APOL2: variants seen among roughly 807,000 people sequenced by gnomAD.
APOL2 encodes apolipoprotein L, 2.
A neutral mutation model predicts 7.1 loss-of-function variants in APOL2; 8 were observed. The ratio of observed to expected loss-of-function variants is 1.12; its 90% CI spans 0.66 to 2.03. The LOEUF (loss-of-function observed/expected upper bound fraction) is 2.03. APOL2 is among the 30% of genes most tolerant of loss of function. The probability of loss-of-function intolerance (pLI) is 0.00; values close to 1 mark genes in which losing one functional copy is unlikely to be tolerated. For missense variants in APOL2, 471 were observed against 415.1 expected, an observed-to-expected ratio of 1.13 and a Z score of -1.17; for synonymous variants, 177 against 159.9, an observed-to-expected ratio of 1.11 and a Z score of -0.81.
intron 1 of APOL2, 54 bp downstream of exon 1, chr22:36,239,387 A>G: frequency 4.8e-6 from 7 of 1,462,030 alleles, no homozygotes; most frequent in Non-Finnish European, 6.5e-6. Context: ...CTTCCCTTAT[A>G]GAGCTATTGC....
intron 1 of APOL2, chr22:36,236,910 G>A: frequency 7.7e-7 from 1 of 1,303,436 alleles, no homozygotes; most frequent in Non-Finnish European, 9.7e-7. Flanking sequence ...TGACGGGAGG[G>A]GGTCTTCCCT....
intron 4 of APOL2, among the ~76,000 whole-genome samples, chr22:36,230,714 GTT>G (rs2015191807): frequency 6.6e-6 from 1 of 152,092 alleles, no homozygotes. Flanking sequence ...ACAGAAGACA[GTT>G]CCAAGTCTCC....
chr22:36,233,073 G>C, intron 3 of APOL2, 80 bp downstream of exon 3: 2 of 1,418,482 alleles, frequency 1.4e-6, no homozygotes, highest in Non-Finnish European at 1.0e-6. Flanking sequence ...GGTTCTTCTG[G>C]GGCTCACTCA....
At position 36,227,264 on chromosome 22, in the gene APOL2, C is replaced by T. The variant is rs1438221516; in HGVS notation, c.*140G>A. 2.8e-6 allele frequency: 3 copies of T among 1,072,814 alleles called. No homozygotes were observed. Among genetic ancestry groups the T allele is most frequent in the Non-Finnish European group, 2.5e-6 (2 of 784,742 alleles). 66.5% of individuals were successfully genotyped at this position (1,072,814 alleles called of 1,614,324 possible). A position where few individuals can be genotyped will look rare whatever the true frequency, so the allele number is the denominator to read the frequency against. ...CCGGGAGGCGGAGTTTGCAGTGAGC[C>T]GAGATTGAGCCACTGCACTCCATCC... is the stretch of plus-strand genomic sequence containing the variant. On this transcript the variant is annotated 3_prime_UTR_variant, in exon 5 of 5. Coordinates refer to ENST00000358502, the MANE Select transcript of APOL2 (RefSeq NM_030882.4).
chr22:36,229,274 C>T (rs531420521), intron 4 of APOL2, among the ~76,000 whole-genome samples: 1 of 152,334 alleles, frequency 6.6e-6, no homozygotes, highest in African/African-American at 2.4e-5. Flanking sequence ...CCTGTCAGTC[C>T]TGTTCCATCT....
chr22:36,233,266 G>A, intron 2 of APOL2, 25 bp from the exon 3 acceptor site: 1 of 1,613,032 alleles, frequency 6.2e-7, no homozygotes, highest in South Asian at 1.1e-5. Flanking sequence ...AACAAATTGT[G>A]GGATCGAAGG....
Position 36,228,031 on chromosome 22 carries a change from G to A in APOL2, c.387C>T (p.Ile129=), listed in dbSNP as rs774962845. 5 of 1,614,112 alleles carry A rather than the reference G, an allele frequency of 3.1e-6. No individual in the cohort carries two copies. The African/African-American group carries it at 4.0e-5, about 13-fold the overall frequency. The change falls in exon 5 of 5, where the codon ATC becomes ATT. Residue 129 remains isoleucine, a synonymous_variant. Coordinates refer to ENST00000358502, the MANE Select transcript of APOL2 (RefSeq NM_030882.4). ...CCAGACCCAGGCCGAGGAGGGTCAG[G>A]ATGCCAGAGGTAGTGCCAACAGAGT... ...VSNSVGTTSG[I]LTLLGLGLAP...
chr22:36,233,544 T>C, intron 1 of APOL2, 89 bp from the exon 2 acceptor site: 1 of 1,192,090 alleles, frequency 8.4e-7, no homozygotes, highest in Non-Finnish European at 1.2e-6. Flanking sequence ...GGAATAGAGA[T>C]GGGAGGGAAC....
At chr22:36,228,406 C>A (rs527327470) in intron 4 of APOL2, 126 bp from the exon 5 acceptor site, 6 of 1,280,368 alleles carry the variant, frequency 4.7e-6, no homozygotes, top group Non-Finnish European at 6.4e-6. Flanking sequence ...ACAAATTTTA[C>A]AAATGGAATT....
At chr22:36,237,264 A>C (rs2015439128) in intron 1 of APOL2, 13 of 1,358,900 alleles carry the variant, frequency 9.6e-6, no homozygotes, top group Non-Finnish European at 1.2e-5. Flanking sequence ...CTGGAAGAGG[A>C]GCCCTCCCTC....
At chr22:36,233,480 A>G (rs762159429) in intron 1 of APOL2, 25 bp from the exon 2 acceptor site, 2 of 1,545,406 alleles carry the variant, frequency 1.3e-6, no homozygotes, top group South Asian at 1.2e-5. Context: ...GAAGAAGATA[A>G]TCAGAGGAGG....
At chr22:36,239,039 G>C (rs778248557) in intron 1 of APOL2, 1 of 907,698 alleles carries the variant, frequency 1.1e-6, no homozygotes, top group Non-Finnish European at 1.4e-6. Context: ...GGTGTGGCCC[G>C]GCCACAAGGA....
intron 3 of APOL2, among the ~76,000 whole-genome samples, 173 bp downstream of exon 3, chr22:36,232,980 G>T (rs1322100765): frequency 6.6e-6 from 1 of 152,114 alleles, no homozygotes. Flanking sequence ...GGATGCAGAT[G>T]ACCCCCAGAC....
rs555063247 is a variant in APOL2, at chr22:36,233,467, T to A, written c.-133-12A>T. 6.5e-7 allele frequency: 1 copy of A among 1,549,070 alleles called. No individual in the cohort carries two copies. Among genetic ancestry groups the A allele is most frequent in the East Asian group, 2.4e-5 (1 of 40,930 alleles). On this transcript the variant is annotated splice_polypyrimidine_tract_variant and intron_variant, in intron 1 of 4. Coordinates refer to ENST00000358502, the MANE Select transcript of APOL2 (RefSeq NM_030882.4). ...AGGGTCCTCTTGTCCTGTAGGGGTATGAGAAGAAGATAATCAGAGGAGGGG... is the reference window on the plus strand; with the variant it reads ...AGGGTCCTCTTGTCCTGTAGGGGTAAGAGAAGAAGATAATCAGAGGAGGGG...
At chr22:36,239,695 G>T (rs557257771), upstream of APOL2, 4 of 583,696 alleles carry the variant, frequency 6.9e-6, no homozygotes, top group Admixed American at 2.8e-5. Context: ...AGGAGCAGCC[G>T]CAGACCAGAC....
At chr22:36,235,813 A>G (rs2015386000) in intron 1 of APOL2, among the ~76,000 whole-genome samples, 1 of 149,830 alleles carries the variant, frequency 6.7e-6, no homozygotes, top group African/African-American at 2.5e-5. Flanking sequence ...CATGGAGGGC[A>G]GGTGGGGATA....
chr22:36,228,085 T>G lies in APOL2; in HGVS notation c.333A>C (p.Arg111Ser). The part of the protein sequence containing the change: ...ALAEEVEQVH[R>S]GTTIANVVSN... ...ACACCACATTGGCAATGGTGGTGCC[T>G]CTGTGGACCTGCTCAACCTCCTCTG... The change falls in exon 5 of 5, where the codon AGA (arginine) becomes AGC (serine). Residue 111 changes from arginine to serine, a missense_variant. Transcript: ENST00000358502. The G allele has an allele frequency of 1.9e-6, 3 of 1,614,216 alleles. No homozygotes were observed. The highest frequency in any genetic ancestry group is 2.5e-6 in the Non-Finnish European group (3 of 1,180,032).
chr22:36,233,481 T>A (rs2015301341), intron 1 of APOL2, 26 bp from the exon 2 acceptor site: 6 of 1,544,156 alleles, frequency 3.9e-6, no homozygotes, highest in Non-Finnish European at 5.3e-6. Context: ...AAGAAGATAA[T>A]CAGAGGAGGG....
intron 1 of APOL2, among the ~76,000 whole-genome samples, chr22:36,235,748 GGT>G (rs569629256): frequency 1.8e-5 from 2 of 110,700 alleles, no homozygotes; most frequent in Admixed American, 9.4e-5. Context: ...AGAAAGGGTG[GGT>G]GGGTGGGTGT....
Sources: allele counts gnomAD v4.1 joint callset (sites outside exome capture counted in the v4.1 genomes callset), GRCh38; gene constraint gnomAD v4.1.1; transcripts MANE v1.5; gene names NCBI Gene and HGNC (gene_info 2026-07-23, HGNC 2026-07-21).